RP2: variants seen among roughly 807,000 people sequenced by gnomAD.
The protein encoded by RP2 is protein XRP2.
In RP2, 3 loss-of-function variants were observed where a neutral mutation model predicts 20.3. That is an observed-to-expected ratio of 0.15 (90% confidence interval 0.07 to 0.38). RP2 has a LOEUF of 0.38. RP2 is among the 10% of genes least tolerant of loss of function. The probability of loss-of-function intolerance (pLI) is 1.00; values close to 1 mark genes in which losing one functional copy is unlikely to be tolerated. For missense variants in RP2, 233 were observed against 268.5 expected (o/e 0.87, Z 0.92); for synonymous variants, 75 against 94.8 (o/e 0.79, Z 1.22).
intron 2 of RP2, among the ~76,000 whole-genome samples, chrX:46,856,137 A>T (rs184817450): frequency 1.8e-5 from 2 of 110,809 alleles, no homozygotes; most frequent in African/African-American, 6.5e-5. Context: ...ATGGTGATTT[A>T]AAAAAAAACT....
At chrX:46,857,937 C>T (rs997409104) in intron 2 of RP2, among the ~76,000 whole-genome samples, 12 of 111,777 alleles carry the variant, frequency 1.1e-4, no homozygotes, top group African/African-American at 3.9e-4. Flanking sequence ...TAATTCTCTA[C>T]AATTTTTAAA....
chrX:46,846,634 A>G (rs1285169627), intron 1 of RP2, among the ~76,000 whole-genome samples: 1 of 111,312 alleles, frequency 9.0e-6, no homozygotes, highest in Non-Finnish European at 1.9e-5. Context: ...CTGCCAAACT[A>G]TTTTTCAAAG....
intron 1 of RP2, among the ~76,000 whole-genome samples, chrX:46,850,717 C>T (rs1411142260): frequency 8.9e-6 from 1 of 111,817 alleles, no homozygotes; most frequent in Non-Finnish European, 1.9e-5. Flanking sequence ...TGCAGAACTT[C>T]CGCCCCACTT....
intron 1 of RP2, among the ~76,000 whole-genome samples, chrX:46,851,660 G>A (rs782771364): frequency 2.2e-4 from 24 of 110,693 alleles, no homozygotes; most frequent in Non-Finnish European, 3.6e-4. Flanking sequence ...GGCCGGGCAC[G>A]GTGGCTCACG....
At position 46,881,717 on chromosome X, in the gene RP2, C is replaced by CTCAG. The variant is rs1387906316; in HGVS notation, c.*1948_*1949insTCAG. 1 of 110,867 alleles carries CTCAG rather than the reference C, an allele frequency of 9.0e-6. No homozygotes were observed. Among genetic ancestry groups the CTCAG allele is most frequent in the Non-Finnish European group, 1.9e-5 (1 of 53,034 alleles). The allele number at this position is 110,867 out of a possible 1,213,427, so 9.1% of individuals were successfully genotyped here. A position where few individuals can be genotyped will look rare whatever the true frequency, so the allele number is the denominator to read the frequency against. ...CTCGAACTCCTGACCTCAGGTGATC[C>CTCAG]GTCCACCTCAGCCTCCCAAAGAGCT... On this transcript the variant is annotated 3_prime_UTR_variant, in exon 5 of 5. Transcript: ENST00000218340.
chrX:46,844,757 G>A (rs912031535), intron 1 of RP2, among the ~76,000 whole-genome samples: 10 of 111,672 alleles, frequency 9.0e-5, no homozygotes, highest in South Asian at 3.8e-4. Context: ...TCGCCACACC[G>A]TCTTCCACAA....
intron 1 of RP2, among the ~76,000 whole-genome samples, chrX:46,845,105 C>T (rs1319989964): frequency 8.9e-6 from 1 of 111,777 alleles, no homozygotes; most frequent in Non-Finnish European, 1.9e-5. Context: ...TGGGTTAAGT[C>T]ACAGGAAAAC....
chrX:46,870,177 A>G (rs1925264988), intron 3 of RP2, among the ~76,000 whole-genome samples: 1 of 110,718 alleles, frequency 9.0e-6, no homozygotes, highest in Non-Finnish European at 1.9e-5. Flanking sequence ...GTATGACCAT[A>G]GCTCACTGTA....
chrX:46,839,631 A>G (rs187960511), intron 1 of RP2, among the ~76,000 whole-genome samples: 1 of 111,581 alleles, frequency 9.0e-6, no homozygotes, highest in Non-Finnish European at 1.9e-5. Context: ...TAGTGTGCAA[A>G]TGTTCTGTAT....
chrX:46,845,974 C>T (rs1556316039), intron 1 of RP2, among the ~76,000 whole-genome samples: 1 of 111,074 alleles, frequency 9.0e-6, no homozygotes, highest in Non-Finnish European at 1.9e-5. Context: ...ACACGTTGCC[C>T]AGGCTGGTCT....
chrX:46,847,716 A>C (rs781909158), intron 1 of RP2, among the ~76,000 whole-genome samples: 126 of 76,271 alleles, frequency 1.7e-3, no homozygotes, highest in African/African-American at 6.7e-3. Context: ...ATATACACAC[A>C]TATATGTGTG....
intron 1 of RP2, among the ~76,000 whole-genome samples, chrX:46,847,800 A>ATATACACACATATGTGTGTGTGTG (rs1569531412): frequency 1.3e-5 from 1 of 76,942 alleles, no homozygotes; most frequent in African/African-American, 5.8e-5. Flanking sequence ...GTGTGTGTGT[A>ATATACACACATATGTGTGTGTGTG]TATATATACA....
intron 3 of RP2, among the ~76,000 whole-genome samples, chrX:46,876,310 G>A (rs1367982629): frequency 1.8e-5 from 2 of 110,310 alleles, no homozygotes; most frequent in African/African-American, 6.6e-5. Context: ...TGTAGAGACG[G>A]GGTCTTGCTT....
intron 3 of RP2, among the ~76,000 whole-genome samples, chrX:46,874,478 T>G (rs782174627): frequency 1.6e-4 from 18 of 111,214 alleles, no homozygotes; most frequent in Non-Finnish European, 3.4e-4. Context: ...TTTGCAAATT[T>G]CCAAATGTAC....
chrX:46,850,594 C>G (rs1924841594), intron 1 of RP2, among the ~76,000 whole-genome samples: 1 of 111,570 alleles, frequency 9.0e-6, no homozygotes, highest in African/African-American at 3.3e-5. Context: ...CCTCCTACTC[C>G]CTGAAGAATT....
intron 2 of RP2, among the ~76,000 whole-genome samples, chrX:46,855,628 C>T (rs1005734388): frequency 6.4e-5 from 7 of 109,826 alleles, no homozygotes; most frequent in African/African-American, 2.0e-4. Flanking sequence ...CCACCATGCC[C>T]GCTAATTTTT....
chrX:46,849,368 GT>G (rs782225348), intron 1 of RP2, among the ~76,000 whole-genome samples: 1 of 108,980 alleles, frequency 9.2e-6, no homozygotes, highest in African/African-American at 3.3e-5. Flanking sequence ...GGGTTTTTGT[GT>G]TTTTTTACCC....
intron 3 of RP2, among the ~76,000 whole-genome samples, chrX:46,867,446 A>G (rs1318214452): frequency 8.9e-6 from 1 of 112,377 alleles, no homozygotes; most frequent in Non-Finnish European, 1.9e-5. Flanking sequence ...GTATTGATGT[A>G]CCAGTTTGTT....
rs3126141 is a variant in RP2 at position 46,853,804 on chromosome X, A to G, written c.431A>G (p.Lys144Arg). Residue 144 changes from lysine to arginine, a missense_variant, in exon 2 of 5, where the codon AAA becomes AGA. Physicochemically the swap from Lys to Arg is conservative, Grantham distance 26. This residue lies in a region of RP2 where 38 missense variants were observed against 72.9 expected (regional missense o/e 0.52). Transcript: ENST00000218340. The stretch of plus-strand genomic sequence containing the variant: ...ATCATTGAGTCTTCCTCAAATATCA[A>G]ATTTGGATGTTTTCAATGGTACTAT... ...QPIIESSSNI[K>R]FGCFQWYYPE... 12 of 1,209,972 alleles carry G rather than the reference A, an allele frequency of 9.9e-6. No individual in the cohort carries two copies. The African/African-American group carries it at 2.1e-4, about 21-fold the overall frequency.
Sources: allele counts gnomAD v4.1 joint callset (sites outside exome capture counted in the v4.1 genomes callset), GRCh38; gene constraint gnomAD v4.1.1; regional missense constraint gnomAD v4.1.1; transcripts MANE v1.5; gene names NCBI Gene and HGNC (gene_info 2026-07-23, HGNC 2026-07-21).